Variants in RYR3 observed in about 807,000 individuals in gnomAD.
RYR3 encodes the protein brain ryanodine receptor-calcium release channel.
A neutral mutation model predicts 584.3 loss-of-function variants in RYR3; 207 were observed. The observed-to-expected ratio is 0.35, with a 90% CI of 0.32 to 0.40. RYR3 has a LOEUF of 0.40. RYR3 is among the 10% of genes least tolerant of loss of function. RYR3 has a pLI of 1.00. For missense variants in RYR3, 5,616 were observed against 6,089.2 expected (o/e 0.92, Z 2.59); for synonymous variants, 2,416 against 2,248.5 (o/e 1.07, Z -2.11).
chr15:33,523,412 G>A lies in RYR3; in HGVS notation c.280-7180G>A, dbSNP rs979897946. ...CTGAAGCTTCATTCCTGAAGTCAGCGAGACCACCAACCCACCGGAAGGAGC... is the reference window on the plus strand; with the variant it reads ...CTGAAGCTTCATTCCTGAAGTCAGCAAGACCACCAACCCACCGGAAGGAGC... On this transcript the variant is annotated intron_variant, in intron 3 of 103. Coordinates refer to ENST00000634891, the MANE Select transcript of RYR3 (RefSeq NM_001036.6). 3.9e-5 allele frequency among the ~76,000 whole-genome samples: 6 copies of A among 152,040 alleles called. 1 individual carries two copies. Among genetic ancestry groups the A allele is most frequent in the South Asian group, 2.1e-4 (1 of 4,814 alleles).
chr15:33,630,455 C>T (rs996943146), intron 22 of RYR3, among the ~76,000 whole-genome samples: 1 of 152,226 alleles, frequency 6.6e-6, no homozygotes, highest in African/African-American at 2.4e-5. Flanking sequence ...TAGACTTTAA[C>T]TTCTCTAGCC....
At chr15:33,862,409 A>G (rs1223207806) in intron 102 of RYR3, among the ~76,000 whole-genome samples, 1 of 150,706 alleles carries the variant, frequency 6.6e-6, no homozygotes. Context: ...GCTTTGCTGT[A>G]TTGCCCAGGC....
chr15:33,550,637 A>C (rs2056609727), intron 10 of RYR3, among the ~76,000 whole-genome samples: 1 of 152,208 alleles, frequency 6.6e-6, no homozygotes, highest in South Asian at 2.1e-4. Context: ...GTTGTCTTTG[A>C]TAAATTCCAA....
At chr15:33,816,594 C>T (rs971825168) in intron 74 of RYR3, among the ~76,000 whole-genome samples, 5 of 152,158 alleles carry the variant, frequency 3.3e-5, no homozygotes, top group Non-Finnish European at 7.4e-5. Flanking sequence ...GATAAAGAGC[C>T]TATGAGAACA....
At chr15:33,788,547 T>G in intron 67 of RYR3, 89 bp downstream of exon 67, 1 of 1,479,732 alleles carries the variant, frequency 6.8e-7, no homozygotes, top group Non-Finnish European at 9.2e-7. Context: ...GTTGGGTTGT[T>G]AACAGTGAGA....
intron 18 of RYR3, among the ~76,000 whole-genome samples, chr15:33,608,568 C>T (rs926143995): frequency 2.6e-5 from 4 of 152,208 alleles, no homozygotes; most frequent in African/African-American, 9.6e-5. Flanking sequence ...ATGAGATGGG[C>T]TCTCTTATCC....
At chr15:33,649,421 G>A (rs547394412) in intron 31 of RYR3, among the ~76,000 whole-genome samples, 186 bp downstream of exon 31, 1 of 152,338 alleles carries the variant, frequency 6.6e-6, no homozygotes, top group South Asian at 2.1e-4. Context: ...AGTGAAAATA[G>A]AGAAGAGTTT....
At chr15:33,416,461 TGAG>T (rs886710468) in intron 1 of RYR3, among the ~76,000 whole-genome samples, 18 of 152,216 alleles carry the variant, frequency 1.2e-4, no homozygotes, top group African/African-American at 4.1e-4. Context: ...TTAGTAATGA[TGAG>T]CATTTTTCAT....
chr15:33,781,967 T>A (rs2074414274), intron 65 of RYR3, among the ~76,000 whole-genome samples: 3 of 152,170 alleles, frequency 2.0e-5, no homozygotes, highest in Admixed American at 2.0e-4. Flanking sequence ...TTTGGTGAAG[T>A]TGAGAAGTGG....
At chr15:33,313,359 T>C (rs1567007147) in intron 1 of RYR3, among the ~76,000 whole-genome samples, 2 of 152,212 alleles carry the variant, frequency 1.3e-5, no homozygotes. Flanking sequence ...CCAGATGTTA[T>C]ATATAGTCTT....
At chr15:33,323,247 G>A (rs1203949880) in intron 1 of RYR3, among the ~76,000 whole-genome samples, 1 of 152,032 alleles carries the variant, frequency 6.6e-6, no homozygotes, top group Non-Finnish European at 1.5e-5. Context: ...GAGTAGCTGG[G>A]ACTACAGGCA....
intron 1 of RYR3, chr15:33,465,596 A>G (rs1337662540): frequency 7.0e-6 from 3 of 426,818 alleles, no homozygotes; most frequent in East Asian, 1.2e-4. Flanking sequence ...TTCCTTAAGT[A>G]AGATGGAAAG....
intron 38 of RYR3, among the ~76,000 whole-genome samples, chr15:33,695,185 G>A (rs1056768072): frequency 2.0e-5 from 3 of 152,178 alleles, no homozygotes; most frequent in Admixed American, 6.5e-5. Context: ...CAGTGCCAGG[G>A]TAGGATGCAT....
intron 69 of RYR3, among the ~76,000 whole-genome samples, chr15:33,803,378 GT>G (rs1335221526): frequency 2.0e-5 from 3 of 152,200 alleles, no homozygotes; most frequent in Non-Finnish European, 4.4e-5. Context: ...ACGAGGTTGA[GT>G]TTTTTCAAAT....
chr15:33,704,751 C>T (rs888514923), intron 42 of RYR3, among the ~76,000 whole-genome samples: 1 of 152,158 alleles, frequency 6.6e-6, no homozygotes, highest in African/African-American at 2.4e-5. Flanking sequence ...AACAGTGTTG[C>T]TCAGCAAAGA....
intron 32 of RYR3, among the ~76,000 whole-genome samples, chr15:33,658,378 C>G (rs1040420416): frequency 3.3e-5 from 5 of 152,230 alleles, no homozygotes; most frequent in African/African-American, 1.2e-4. Context: ...AGTATAGCTG[C>G]TCACATCTCC....
At chr15:33,641,778 C>CT (rs2061840348) in intron 27 of RYR3, among the ~76,000 whole-genome samples, 1 of 152,198 alleles carries the variant, frequency 6.6e-6, no homozygotes, top group Non-Finnish European at 1.5e-5. Flanking sequence ...GCATCCATGA[C>CT]TTTTGTTACC....
chr15:33,619,743 G>T (rs1052655717), intron 19 of RYR3, among the ~76,000 whole-genome samples: 3 of 152,082 alleles, frequency 2.0e-5, no homozygotes, highest in Admixed American at 2.0e-4. Flanking sequence ...TCTCCACATT[G>T]GTCTGCCCCT....
At position 33,530,614 on chromosome 15, in the gene RYR3, G is replaced by A. The variant is rs751132721; in HGVS notation, c.302G>A (p.Arg101Lys). The A allele has an allele frequency of 6.2e-6, 10 of 1,613,548 alleles. No individual in the cohort carries two copies. Among genetic ancestry groups the A allele is most frequent in the Non-Finnish European group, 7.6e-6 (9 of 1,179,678 alleles). ...GEGAAQGGGHRTLLYGHAVLL... is the reference protein window; with the variant it reads ...GEGAAQGGGHKTLLYGHAVLL... ...CAGGCAGCACAAGGAGGTGGCCACAGGACCCTGTTATACGGCCATGCAGTT... is the reference window on the plus strand; with the variant it reads ...CAGGCAGCACAAGGAGGTGGCCACAAGACCCTGTTATACGGCCATGCAGTT... Residue 101 changes from arginine to lysine, a missense_variant, in exon 4 of 104, where the codon AGG becomes AAG. Around this residue, in one of 9 missense-constraint regions of RYR3, gnomAD observed 1,284 missense variants for 1,344.6 expected, o/e 0.95. Transcript: ENST00000634891.
Sources: allele counts gnomAD v4.1 joint callset (sites outside exome capture counted in the v4.1 genomes callset), GRCh38; gene constraint gnomAD v4.1.1; regional missense constraint gnomAD v4.1.1; transcripts MANE v1.5; gene names NCBI Gene and HGNC (gene_info 2026-07-23, HGNC 2026-07-21).